Variants in ADIPOR2 observed in about 807,000 individuals in gnomAD.
ADIPOR2 encodes the protein adiponectin receptor protein 2.
ADIPOR2 carries 18 observed loss-of-function variants against 40.9 expected under a neutral mutation model. The observed-to-expected ratio is 0.44, with a 90% CI of 0.30 to 0.65. The LOEUF (loss-of-function observed/expected upper bound fraction) is 0.65, where lower values mean the gene tolerates loss of function less well. Among genes scored for constraint, ADIPOR2 ranks in the 30% least tolerant of loss-of-function variants. The probability of loss-of-function intolerance (pLI) is 0.09; values close to 1 mark genes in which losing one functional copy is unlikely to be tolerated. For synonymous variants in ADIPOR2, 165 were observed against 166.4 expected (o/e 0.99, Z 0.06); for missense variants, 283 against 479.2 (o/e 0.59, Z 3.82).
At chr12:1,692,669 C>T (rs868214754) in intron 1 of ADIPOR2, among the ~76,000 whole-genome samples, 2 of 150,768 alleles carry the variant, frequency 1.3e-5, no homozygotes, top group East Asian at 1.9e-4. Context: ...CCCTAGGCTC[C>T]TTGTATGAAT....
At chr12:1,761,543 T>C (rs924586870) in intron 2 of ADIPOR2, among the ~76,000 whole-genome samples, 6 of 152,212 alleles carry the variant, frequency 3.9e-5, no homozygotes, top group Non-Finnish European at 8.8e-5. Flanking sequence ...ATTTTGAATA[T>C]AACTATCCTA....
chr12:1,757,060 T>A (rs1862148822), intron 2 of ADIPOR2, among the ~76,000 whole-genome samples: 1 of 152,218 alleles, frequency 6.6e-6, no homozygotes, highest in Admixed American at 6.5e-5. Flanking sequence ...TACCTCTGTT[T>A]CTTAACTATT....
chr12:1,775,175 T>C (rs1279282980), intron 3 of ADIPOR2, among the ~76,000 whole-genome samples: 5 of 152,280 alleles, frequency 3.3e-5, no homozygotes, highest in Non-Finnish European at 5.9e-5. Flanking sequence ...TATGGTCTAA[T>C]ATATCCACAT....
chr12:1,700,880 G>A (rs1446977840), intron 1 of ADIPOR2, among the ~76,000 whole-genome samples: 1 of 151,236 alleles, frequency 6.6e-6, no homozygotes, highest in Non-Finnish European at 1.5e-5. Flanking sequence ...AATTTAGGCT[G>A]CAGATGTATG....
intron 1 of ADIPOR2, among the ~76,000 whole-genome samples, chr12:1,737,881 T>G (rs553311214): frequency 6.6e-6 from 1 of 152,256 alleles, no homozygotes; most frequent in South Asian, 2.1e-4. Flanking sequence ...TCACTCCTGT[T>G]CCTTGCATAT....
At chr12:1,739,332 A>T (rs2094737770) in intron 1 of ADIPOR2, among the ~76,000 whole-genome samples, 1 of 152,234 alleles carries the variant, frequency 6.6e-6, no homozygotes, top group Non-Finnish European at 1.5e-5. Context: ...AGCCAGTGGG[A>T]TGCTGTGTAA....
At chr12:1,695,035 T>G (rs559485548) in intron 1 of ADIPOR2, among the ~76,000 whole-genome samples, 1,750 of 151,078 alleles carry the variant, frequency 0.012, 40 homozygotes, top group African/African-American at 0.041. Flanking sequence ...TTTGTTTTGT[T>G]TTTTTAAGAT....
chr12:1,756,823 G>A (rs1392678882), intron 2 of ADIPOR2, among the ~76,000 whole-genome samples: 1 of 152,082 alleles, frequency 6.6e-6, no homozygotes, highest in African/African-American at 2.4e-5. Flanking sequence ...TATTTTGTGG[G>A]TCAAATCAAC....
At chr12:1,707,060 C>T (rs975159666) in intron 1 of ADIPOR2, among the ~76,000 whole-genome samples, 1 of 152,138 alleles carries the variant, frequency 6.6e-6, no homozygotes, top group South Asian at 2.1e-4. Context: ...GCTTTCACTC[C>T]GCATGTTTTT....
At chr12:1,731,498 A>G (rs1407454733) in intron 1 of ADIPOR2, among the ~76,000 whole-genome samples, 3 of 152,132 alleles carry the variant, frequency 2.0e-5, no homozygotes, top group East Asian at 1.9e-4. Flanking sequence ...CGCATTATAC[A>G]ATAACTCCTC....
intron 2 of ADIPOR2, among the ~76,000 whole-genome samples, chr12:1,759,550 CTT>C (rs1477959376): frequency 1.3e-5 from 2 of 152,086 alleles, no homozygotes; most frequent in African/African-American, 2.4e-5. Context: ...TTGTACAAGT[CTT>C]TATTTACCGC....
At chr12:1,738,265 C>T (rs1214894800) in intron 1 of ADIPOR2, among the ~76,000 whole-genome samples, 1 of 151,404 alleles carries the variant, frequency 6.6e-6, no homozygotes, top group Admixed American at 6.6e-5. Flanking sequence ...CCTGTGGTCC[C>T]AGCTACCCGG....
intron 1 of ADIPOR2, among the ~76,000 whole-genome samples, chr12:1,712,203 C>A (rs74583872): frequency 6.1e-4 from 93 of 152,200 alleles, no homozygotes; most frequent in African/African-American, 2.2e-3. Context: ...TAAGTCTGGA[C>A]TATAATTTGT....
chr12:1,731,212 C>T (rs1457406238), intron 1 of ADIPOR2, among the ~76,000 whole-genome samples: 1 of 152,096 alleles, frequency 6.6e-6, no homozygotes, highest in East Asian at 1.9e-4. Context: ...AGGCATGTGA[C>T]ACTGCGTGGC....
At position 1,704,848 on chromosome 12, in the gene ADIPOR2, T is replaced by G. The variant is rs539530262; in HGVS notation, c.-87+13657T>G. 3.3e-5 allele frequency among the ~76,000 whole-genome samples: 5 copies of G among 152,328 alleles called. No homozygotes were observed. The South Asian group carries it at 1.0e-3, about 32-fold the overall frequency. On this transcript the variant is annotated intron_variant, in intron 1 of 7. Transcript: ENST00000357103. ...TTTTTCTTTTTTCTTTTTATTCCTT[T>G]TCTTTCTCATACTGGTGGTCAGAAG...
chr12:1,729,782 A>G (rs2094716098), intron 1 of ADIPOR2, among the ~76,000 whole-genome samples: 1 of 151,666 alleles, frequency 6.6e-6, no homozygotes, highest in Non-Finnish European at 1.5e-5. Flanking sequence ...TCTTTTGTTT[A>G]TTTCTTAGAG....
chr12:1,724,819 T>C (rs1339230153), intron 1 of ADIPOR2, among the ~76,000 whole-genome samples: 2 of 152,108 alleles, frequency 1.3e-5, no homozygotes, highest in African/African-American at 4.8e-5. Context: ...GCCTCCCAAG[T>C]AGCTGGGACT....
At chr12:1,716,092 C>T (rs2094687100) in intron 1 of ADIPOR2, among the ~76,000 whole-genome samples, 1 of 152,338 alleles carries the variant, frequency 6.6e-6, no homozygotes, top group African/African-American at 2.4e-5. Flanking sequence ...AGTTCTGCGG[C>T]TTCATTCTTG....
At chr12:1,753,338 G>A (rs1004057803) in intron 1 of ADIPOR2, among the ~76,000 whole-genome samples, 2 of 152,164 alleles carry the variant, frequency 1.3e-5, no homozygotes, top group African/African-American at 4.8e-5. Context: ...TAGTGCCAAG[G>A]ACTTGAAAAG....
Sources: allele counts gnomAD v4.1 joint callset (sites outside exome capture counted in the v4.1 genomes callset), GRCh38; gene constraint gnomAD v4.1.1; transcripts MANE v1.5; gene names NCBI Gene and HGNC (gene_info 2026-07-23, HGNC 2026-07-21).